LRRC7: variants seen among roughly 807,000 people sequenced by gnomAD.
LRRC7 encodes leucine rich repeat containing 7.
In LRRC7, 23 loss-of-function variants were observed where a neutral mutation model predicts 175.7. The ratio of observed to expected loss-of-function variants is 0.13; its 90% CI spans 0.09 to 0.19. LRRC7 has a LOEUF of 0.19. Ranked by LOEUF, LRRC7 falls within the 10% of genes least tolerant of loss-of-function variation. LRRC7 has a pLI of 1.00. For missense variants in LRRC7, 1,354 were observed against 1,904.7 expected (o/e 0.71, Z 5.38); for synonymous variants, 685 against 680.9 (o/e 1.01, Z -0.09).
At chr1:70,116,799 A>G (rs974814916) in intron 26 of LRRC7, among the ~76,000 whole-genome samples, 5 of 152,172 alleles carry the variant, frequency 3.3e-5, no homozygotes, top group African/African-American at 4.8e-5. Flanking sequence ...AGCCCTAAAT[A>G]TATCCCAATA....
chr1:69,979,853 T>C (rs987774704), intron 8 of LRRC7, among the ~76,000 whole-genome samples: 9 of 151,510 alleles, frequency 5.9e-5, no homozygotes, highest in Non-Finnish European at 7.4e-5. Flanking sequence ...TTGAAAGTAA[T>C]GGCAAAACCG....
chr1:69,677,914 C>T (rs997614655), intron 1 of LRRC7, among the ~76,000 whole-genome samples: 3 of 151,998 alleles, frequency 2.0e-5, no homozygotes, highest in Non-Finnish European at 4.4e-5. Flanking sequence ...CAGCTTCCTC[C>T]GTGTGTCCCC....
intron 18 of LRRC7, among the ~76,000 whole-genome samples, chr1:70,035,204 C>T (rs1659176519): frequency 6.6e-6 from 1 of 152,106 alleles, no homozygotes; most frequent in Non-Finnish European, 1.5e-5. Context: ...ATAACGATAG[C>T]TGCTATGCAT....
chr1:69,599,206 T>A (rs1646958585), intron 1 of LRRC7, among the ~76,000 whole-genome samples: 1 of 152,124 alleles, frequency 6.6e-6, no homozygotes, highest in Admixed American at 6.6e-5. Flanking sequence ...TGGAATATAG[T>A]TGGAGTTTAC....
intron 25 of LRRC7, among the ~76,000 whole-genome samples, chr1:70,101,085 T>C (rs1466228237): frequency 2.0e-5 from 3 of 152,132 alleles, no homozygotes; most frequent in Non-Finnish European, 4.4e-5. Flanking sequence ...ACAATATAGC[T>C]TCAATATTGA....
At chr1:69,954,266 T>C (rs776188518) in intron 8 of LRRC7, among the ~76,000 whole-genome samples, 7 of 151,920 alleles carry the variant, frequency 4.6e-5, no homozygotes, top group Non-Finnish European at 7.4e-5. Flanking sequence ...GTGCTGTGGG[T>C]TGATGATTAA....
chr1:70,110,607 A>G (rs1665462607), intron 26 of LRRC7, among the ~76,000 whole-genome samples: 1 of 152,168 alleles, frequency 6.6e-6, no homozygotes, highest in Non-Finnish European at 1.5e-5. Flanking sequence ...GAAAAGCTGC[A>G]CCCAAGATGT....
At chr1:69,658,293 C>A (rs1656946121) in intron 1 of LRRC7, among the ~76,000 whole-genome samples, 1 of 151,886 alleles carries the variant, frequency 6.6e-6, no homozygotes, top group Non-Finnish European at 1.5e-5. Context: ...AATATATCAT[C>A]ATGACAACTG....
At chr1:69,914,981 G>A (rs1280652846) in intron 7 of LRRC7, among the ~76,000 whole-genome samples, 3 of 152,104 alleles carry the variant, frequency 2.0e-5, no homozygotes, top group Non-Finnish European at 4.4e-5. Flanking sequence ...TTTAAACAAT[G>A]GTCAAGCCAG....
At chr1:69,589,689 T>C (rs1382682619) in intron 1 of LRRC7, among the ~76,000 whole-genome samples, 1 of 152,200 alleles carries the variant, frequency 6.6e-6, no homozygotes, top group Non-Finnish European at 1.5e-5. Context: ...ATCCTAGTGA[T>C]GGGCCCCTTA....
intron 1 of LRRC7, among the ~76,000 whole-genome samples, chr1:69,637,327 G>A (rs975099709): frequency 3.9e-5 from 6 of 151,980 alleles, no homozygotes; most frequent in Admixed American, 6.6e-5. Flanking sequence ...TCCATAAAAA[G>A]TATTATTGTC....
At chr1:70,072,578 ACTGCTGCTGCTGCTG>A (rs6143270) in intron 23 of LRRC7, among the ~76,000 whole-genome samples, 17,880 of 150,672 alleles carry the variant, frequency 0.12, 1,401 homozygotes, top group South Asian at 0.22. Context: ...GAGACAAAAA[ACTGCTGCTGCTGCTG>A]CTGCTGCTGC....
At chr1:69,715,917 A>G (rs1402284793) in intron 2 of LRRC7, among the ~76,000 whole-genome samples, 1 of 152,008 alleles carries the variant, frequency 6.6e-6, no homozygotes, top group Non-Finnish European at 1.5e-5. Flanking sequence ...ATGTTGGACA[A>G]CAGTATCATC....
intron 4 of LRRC7, among the ~76,000 whole-genome samples, chr1:69,804,445 G>A (rs1676883928): frequency 6.6e-6 from 1 of 151,022 alleles, no homozygotes; most frequent in Admixed American, 6.6e-5. Context: ...CTAATGAGCT[G>A]GAAATAAATG....
chr1:70,094,814 C>T (rs1664275821), intron 25 of LRRC7, among the ~76,000 whole-genome samples: 1 of 152,158 alleles, frequency 6.6e-6, no homozygotes, highest in Admixed American at 6.5e-5. Flanking sequence ...TTTTGCTCAA[C>T]TTCATGACAT....
At chr1:69,938,387 A>G (rs1648272130) in intron 8 of LRRC7, among the ~76,000 whole-genome samples, 1 of 152,110 alleles carries the variant, frequency 6.6e-6, no homozygotes, top group South Asian at 2.1e-4. Context: ...ACAGATTATA[A>G]TAAGGGAGAA....
chr1:69,908,240 G>GT (rs991533867), intron 7 of LRRC7, among the ~76,000 whole-genome samples: 7 of 152,116 alleles, frequency 4.6e-5, no homozygotes, highest in East Asian at 1.9e-4. Context: ...TTTTTGAAGG[G>GT]TTTTTTTGTG....
intron 4 of LRRC7, among the ~76,000 whole-genome samples, chr1:69,823,196 A>C (rs1679502089): frequency 6.6e-6 from 1 of 152,148 alleles, no homozygotes; most frequent in Non-Finnish European, 1.5e-5. Context: ...GTTTGAAATT[A>C]CTGAAATATT....
At chr1:70,043,362 G>A (rs1187280762) in intron 21 of LRRC7, among the ~76,000 whole-genome samples, 2 of 152,124 alleles carry the variant, frequency 1.3e-5, no homozygotes, top group African/African-American at 4.8e-5. Context: ...TGGTTTAGCT[G>A]AATTAATAAG....
Sources: gnomAD v4.1 joint callset for allele counts (sites outside exome capture counted in the v4.1 genomes callset) on GRCh38, gnomAD v4.1.1 for gene constraint, MANE v1.5 for transcripts, NCBI Gene and HGNC (gene_info 2026-07-23, HGNC 2026-07-21) for gene names.